CACNA1B: variants seen among roughly 807,000 people sequenced by gnomAD.
CACNA1B encodes the protein voltage-dependent N-type calcium channel subunit alpha-1B.
Under a neutral mutation model 247.2 loss-of-function variants are expected in CACNA1B, and 70 were observed. The ratio of observed to expected loss-of-function variants is 0.28; its 90% confidence interval spans 0.23 to 0.35. The LOEUF (loss-of-function observed/expected upper bound fraction) is 0.35. Among genes scored for constraint, CACNA1B ranks in the 10% least tolerant of loss-of-function variants. The probability of loss-of-function intolerance (pLI) is 1.00; values close to 1 mark genes in which losing one functional copy is unlikely to be tolerated. For missense variants in CACNA1B, 2,367 were observed against 3,197.4 expected, an observed-to-expected ratio of 0.74 and a Z score of 6.26; for synonymous variants, 1,231 against 1,294.4, an observed-to-expected ratio of 0.95 and a Z score of 1.05.
chr9:138,102,848 T>A lies in CACNA1B; in HGVS notation c.5319+41T>A. On this transcript the variant is annotated intron_variant, in intron 38 of 46. Coordinates refer to ENST00000371372, the MANE Select transcript of CACNA1B (RefSeq NM_000718.4). This position sits in a 1 kb window ranked among gnomAD's most constrained non-coding sequence, Gnocchi z 5.4. Reference sequence around the variant, plus strand: ...GCAACCCGCCCCCCAGGAGGCTGTGTGTGCTTGCTGAGGGGTGCTTGCTGG... The same window carrying A: ...GCAACCCGCCCCCCAGGAGGCTGTGAGTGCTTGCTGAGGGGTGCTTGCTGG... 7.6e-7 allele frequency: 1 copy of A among 1,323,370 alleles called. No individual in the cohort carries two copies. The highest frequency in any genetic ancestry group is 1.2e-5 in the South Asian group (1 of 80,138). 82.0% of individuals were successfully genotyped at this position (1,323,370 alleles called of 1,614,324 possible).
At chr9:137,883,445 A>G (rs1234484918) in intron 3 of CACNA1B, among the ~76,000 whole-genome samples, 1 of 152,008 alleles carries the variant, frequency 6.6e-6, no homozygotes, top group South Asian at 2.1e-4. Flanking sequence ...CTCCTCAACC[A>G]CTTACCCTAA....
intron 6 of CACNA1B, among the ~76,000 whole-genome samples, chr9:137,951,756 CAG>C (rs1434922213): frequency 1.3e-5 from 2 of 152,130 alleles, no homozygotes; most frequent in African/African-American, 4.8e-5. Flanking sequence ...TGTCTCAGGC[CAG>C]GCATGTGGTG....
rs944743773 is a variant in CACNA1B, at chr9:137,955,596, G to A, written c.1071-102G>A. 1.4e-5 allele frequency: 11 copies of A among 765,012 alleles called. No individual in the cohort carries two copies. The highest frequency in any genetic ancestry group is 1.9e-5 in the Non-Finnish European group (9 of 463,298). 47.4% of individuals were successfully genotyped at this position (765,012 alleles called of 1,614,324 possible). A position where few individuals can be genotyped will look rare whatever the true frequency, so the allele number is the denominator to read the frequency against. On this transcript the variant is annotated intron_variant, in intron 7 of 46. Coordinates refer to ENST00000371372, the MANE Select transcript of CACNA1B (RefSeq NM_000718.4). This position sits in a 1 kb window ranked among gnomAD's most constrained non-coding sequence, Gnocchi z 6.9. Reference sequence around the variant, plus strand: ...CCTGAAGCAGCAGCCTGCAGCCTGCGTCTCCTGTCCCAGGCTTTCCCTGGT... The same window carrying A: ...CCTGAAGCAGCAGCCTGCAGCCTGCATCTCCTGTCCCAGGCTTTCCCTGGT...
intron 39 of CACNA1B, among the ~76,000 whole-genome samples, chr9:138,106,085 G>A (rs1961414226): frequency 6.6e-6 from 1 of 152,192 alleles, no homozygotes; most frequent in South Asian, 2.1e-4. Context: ...GCCAGCTGGT[G>A]GTGGAACCAG....
chr9:137,946,769 A>AC (rs1225119583), intron 6 of CACNA1B, among the ~76,000 whole-genome samples: 3 of 152,224 alleles, frequency 2.0e-5, no homozygotes, highest in African/African-American at 7.2e-5. Context: ...TGAGTTGGAA[A>AC]GAGAGACAGA....
chr9:138,109,421 G>A (rs751270762), intron 39 of CACNA1B, among the ~76,000 whole-genome samples: 8 of 152,256 alleles, frequency 5.3e-5, no homozygotes, highest in Non-Finnish European at 1.0e-4. Context: ...TGTTTGTGAG[G>A]TGGGTGTCAC....
Position 137,974,362 on chromosome 9 carries a change from C to A in CACNA1B, c.1544-1545C>A, listed in dbSNP as rs1443747025. ...ACACTGCTTGGCCTTGTTATCATCCCATGCTTAGCTTGAGTGCCTGGTGAT... is the reference window on the plus strand; with the variant it reads ...ACACTGCTTGGCCTTGTTATCATCCAATGCTTAGCTTGAGTGCCTGGTGAT... On this transcript the variant is annotated intron_variant, in intron 11 of 46. Transcript: ENST00000371372. The surrounding 1 kb of genome is among the most constrained non-coding windows in gnomAD (Gnocchi z 4.5). 6.6e-6 allele frequency among the ~76,000 whole-genome samples: 1 copy of A among 152,200 alleles called. No individual in the cohort carries two copies. Among genetic ancestry groups the A allele is most frequent in the Non-Finnish European group, 1.5e-5 (1 of 68,034 alleles).
chr9:138,070,722 G>T (rs1030806712), intron 32 of CACNA1B, among the ~76,000 whole-genome samples: 1 of 152,200 alleles, frequency 6.6e-6, no homozygotes, highest in East Asian at 1.9e-4. Context: ...TGCCAGTCAG[G>T]CCTCTGCTCA....
At chr9:138,074,628 G>T (rs1170429417) in intron 34 of CACNA1B, among the ~76,000 whole-genome samples, 1 of 152,234 alleles carries the variant, frequency 6.6e-6, no homozygotes, top group African/African-American at 2.4e-5. Flanking sequence ...GGGCCATCCT[G>T]GTGTGGGGCA....
intron 42 of CACNA1B, among the ~76,000 whole-genome samples, chr9:138,117,592 A>G (rs11137373): frequency 0.084 from 12,815 of 152,244 alleles, 1,482 homozygotes; most frequent in African/African-American, 0.26. Context: ...CACTTCACAG[A>G]TCAGCCTCTT....
Position 138,073,903 on chromosome 9 carries a change from T to C in CACNA1B, c.4792-98T>C. 1.1e-6 allele frequency: 1 copy of C among 921,454 alleles called. No individual in the cohort carries two copies. 57.1% of individuals were successfully genotyped at this position (921,454 alleles called of 1,614,324 possible). On this transcript the variant is annotated intron_variant, in intron 33 of 46. Coordinates refer to ENST00000371372, the MANE Select transcript of CACNA1B (RefSeq NM_000718.4). This position sits in a 1 kb window ranked among gnomAD's most constrained non-coding sequence, Gnocchi z 6.4. ...CCAGTGGGATGGAGCTTGAGTAGGC[T>C]GAGGTCTGTGTGACCTCAAAGGCCC...
intron 44 of CACNA1B, among the ~76,000 whole-genome samples, chr9:138,119,290 A>C (rs1410356166): frequency 1.3e-5 from 2 of 152,120 alleles, no homozygotes. Context: ...ATTCAGGAAG[A>C]GGAAGCTCTG....
chr9:138,004,622 A>G (rs1958624390), intron 15 of CACNA1B, among the ~76,000 whole-genome samples: 1 of 151,906 alleles, frequency 6.6e-6, no homozygotes, highest in African/African-American at 2.4e-5. Flanking sequence ...TTGAAGAATG[A>G]TGTGTAGTCT....
rs1341961002 is a variant in CACNA1B, at chr9:138,033,923, A to G, written c.3286+8751A>G. ...GTGGGGACACACCAAACCATATTAC[A>G]GGGGTTGTAGAGAGTTGCCCCATTA... is the stretch of plus-strand genomic sequence containing the variant. On this transcript the variant is annotated intron_variant, in intron 20 of 46. Coordinates refer to ENST00000371372, the MANE Select transcript of CACNA1B (RefSeq NM_000718.4). Among the ~76,000 whole-genome samples the G allele has an allele frequency of 2.6e-5, 4 of 152,302 alleles. No individual in the cohort carries two copies. The South Asian group carries it at 6.2e-4, about 24-fold the overall frequency.
chr9:137,971,359 C>T lies in CACNA1B; in HGVS notation c.1334-24C>T, dbSNP rs747542022. 1 of 1,578,576 alleles carries T rather than the reference C, an allele frequency of 6.3e-7. No individual in the cohort carries two copies. Among genetic ancestry groups the T allele is most frequent in the Non-Finnish European group, 8.6e-7 (1 of 1,157,318 alleles). ...GCGGGTGCCCATTGGTCCCCACATC[C>T]TCAGTAACTCCCCATCCCCTCAGGA... On this transcript the variant is annotated intron_variant, in intron 10 of 46. Transcript: ENST00000371372. This position sits in a 1 kb window ranked among gnomAD's most constrained non-coding sequence, Gnocchi z 4.4.
intron 20 of CACNA1B, among the ~76,000 whole-genome samples, chr9:138,035,010 C>T (rs564091222): frequency 1.6e-4 from 25 of 152,182 alleles, no homozygotes; most frequent in Non-Finnish European, 2.6e-4. Flanking sequence ...CAGAGCAGAA[C>T]GGTGTGGGGT....
chr9:137,904,770 C>T (rs1052215697), intron 3 of CACNA1B, among the ~76,000 whole-genome samples: 1 of 152,034 alleles, frequency 6.6e-6, no homozygotes, highest in Non-Finnish European at 1.5e-5. Context: ...AACCAAGTTC[C>T]TGGGAGTTTT....
intron 6 of CACNA1B, among the ~76,000 whole-genome samples, chr9:137,934,394 A>AT (rs1251693361): frequency 1.3e-5 from 2 of 152,170 alleles, no homozygotes; most frequent in East Asian, 3.8e-4. Context: ...CAAGTACCTG[A>AT]TTTCTCATTT....
In CACNA1B at chr9:137,959,988, G is replaced by A. The variant is rs187954803; in HGVS notation, c.1333+2301G>A. Among the ~76,000 whole-genome samples the A allele has an allele frequency of 5.0e-3, 761 of 152,196 alleles. 11 individuals are homozygous for A. The highest frequency in any genetic ancestry group is 0.018 in the African/African-American group (732 of 41,528). ...TGCCAGAAGTTCATGGCCATAGAAG[G>A]CCTGAGGAAAAAGACTGCCTTTGAG... On this transcript the variant is annotated intron_variant, in intron 10 of 46. Transcript: ENST00000371372.
Sources: gnomAD v4.1 joint callset for allele counts (sites outside exome capture counted in the v4.1 genomes callset) on GRCh38, gnomAD v4.1.1 for gene constraint, Gnocchi (gnomAD v3.1) non-coding constraint, MANE v1.5 for transcripts, NCBI Gene and HGNC (gene_info 2026-07-23, HGNC 2026-07-21) for gene names.